DGKB: variants seen among roughly 807,000 people sequenced by gnomAD.
DGKB encodes the protein diacylglycerol kinase beta, also known as 90 kDa diacylglycerol kinase.
DGKB carries 67 observed loss-of-function variants against 114.3 expected under a neutral mutation model. The ratio of observed to expected loss-of-function variants is 0.59; its 90% CI spans 0.48 to 0.72. The LOEUF is 0.72. Ranked by LOEUF, DGKB falls within the 30% of genes least tolerant of loss-of-function variation. The pLI, the probability that DGKB is intolerant of heterozygous loss-of-function variation, is 0.00. For synonymous variants in DGKB, 398 were observed against 323.1 expected (o/e 1.23, Z -2.49); for missense variants, 907 against 975.2 (o/e 0.93, Z 0.93).
intron 23 of DGKB, among the ~76,000 whole-genome samples, chr7:14,334,360 A>ATGTGTGTGTG (rs1491407829): frequency 2.5e-3 from 256 of 103,646 alleles, no homozygotes; most frequent in African/African-American, 9.6e-3. Flanking sequence ...ATGTATATAC[A>ATGTGTGTGTG]TATGTGTGTG....
At chr7:14,705,256 G>A (rs1289698725) in intron 6 of DGKB, among the ~76,000 whole-genome samples, 8 of 151,320 alleles carry the variant, frequency 5.3e-5, no homozygotes, top group African/African-American at 1.9e-4. Context: ...AGCGAGAAGG[G>A]AAGTTTAGAG....
intron 1 of DGKB, among the ~76,000 whole-genome samples, chr7:14,867,749 T>C (rs1014451905): frequency 2.6e-5 from 4 of 152,202 alleles, no homozygotes; most frequent in Non-Finnish European, 5.9e-5. Flanking sequence ...TTGAGAGCGC[T>C]CTTTATAAAT....
intron 13 of DGKB, among the ~76,000 whole-genome samples, chr7:14,668,672 T>C (rs1818456540): frequency 6.6e-6 from 1 of 152,278 alleles, no homozygotes; most frequent in East Asian, 1.9e-4. Flanking sequence ...ACCATTTACC[T>C]TGATTCCAAC....
intron 20 of DGKB, among the ~76,000 whole-genome samples, chr7:14,495,164 C>T (rs1296792275): frequency 6.6e-6 from 1 of 151,774 alleles, no homozygotes; most frequent in Admixed American, 6.6e-5. Context: ...CAAATCCTTC[C>T]TGATACACAC....
chr7:14,797,665 C>T (rs1841584528), intron 2 of DGKB, among the ~76,000 whole-genome samples: 1 of 150,936 alleles, frequency 6.6e-6, no homozygotes, highest in Non-Finnish European at 1.5e-5. Flanking sequence ...TTCCTGAGGG[C>T]TGCCATCTGT....
At chr7:14,704,739 T>A (rs12381341) in intron 6 of DGKB, among the ~76,000 whole-genome samples, 6 of 151,492 alleles carry the variant, frequency 4.0e-5, no homozygotes, top group African/African-American at 1.5e-4. Context: ...GGTATTCCAA[T>A]AGACCTGCAG....
chr7:14,333,013 T>G (rs1477824850), intron 23 of DGKB, among the ~76,000 whole-genome samples: 6 of 152,306 alleles, frequency 3.9e-5, no homozygotes, highest in Non-Finnish European at 1.5e-5. Flanking sequence ...ATAATTACTT[T>G]CGCTCAGTGG....
intron 23 of DGKB, among the ~76,000 whole-genome samples, chr7:14,222,523 GC>G (rs1164193921): frequency 1.3e-5 from 2 of 151,158 alleles, no homozygotes; most frequent in African/African-American, 4.8e-5. Flanking sequence ...TCATCTTTGA[GC>G]TTTACTTTAT....
upstream of DGKB, among the ~76,000 whole-genome samples, chr7:14,905,263 T>A (rs924533081): frequency 9.5e-5 from 13 of 136,720 alleles, no homozygotes; most frequent in East Asian, 3.1e-3. Context: ...TTTTTTTTTT[T>A]AACAGCTTAT....
At chr7:14,764,914 C>A (rs890211396) in intron 2 of DGKB, among the ~76,000 whole-genome samples, 2 of 151,750 alleles carry the variant, frequency 1.3e-5, no homozygotes, top group African/African-American at 4.8e-5. Flanking sequence ...AAAAGAAGTT[C>A]TACTTAGAGC....
chr7:14,198,153 A>G (rs900504504), intron 23 of DGKB, among the ~76,000 whole-genome samples: 1 of 152,126 alleles, frequency 6.6e-6, no homozygotes, highest in African/African-American at 2.4e-5. Context: ...TTGTAAGTAA[A>G]AAGGATCTGC....
intron 2 of DGKB, among the ~76,000 whole-genome samples, chr7:14,804,033 T>C (rs1375809623): frequency 6.6e-6 from 1 of 151,734 alleles, no homozygotes; most frequent in African/African-American, 2.4e-5. Flanking sequence ...ACTCATTTCA[T>C]TTGTGAGTTA....
At chr7:14,629,401 C>T (rs1300392667) in intron 14 of DGKB, among the ~76,000 whole-genome samples, 1 of 151,732 alleles carries the variant, frequency 6.6e-6, no homozygotes, top group African/African-American at 2.4e-5. Context: ...GAGGTCTACA[C>T]TGATTAAAAA....
At chr7:14,271,247 A>C (rs960585906) in intron 23 of DGKB, among the ~76,000 whole-genome samples, 2 of 152,172 alleles carry the variant, frequency 1.3e-5, no homozygotes, top group African/African-American at 4.8e-5. Context: ...TCAAAGAGAG[A>C]TAACATGAGA....
At chr7:14,326,908 C>A (rs1003762856) in intron 23 of DGKB, among the ~76,000 whole-genome samples, 1 of 152,124 alleles carries the variant, frequency 6.6e-6, no homozygotes, top group Non-Finnish European at 1.5e-5. Context: ...TGCAAACACA[C>A]ACATGCACAC....
rs758706567 is a variant in DGKB at position 14,613,348 on chromosome 7, T to C, written c.1350A>G (p.Gln450=). Residue 450 remains glutamine (Q), a synonymous_variant, in exon 16 of 26, where the codon CAA becomes CAG. Transcript: ENST00000402815. ...TCAATCAAAAAACATACCGTTCTCCTTGTTTTCCACCACTTTTGGGGTTCA... is the reference window on the plus strand; with the variant it reads ...TCAATCAAAAAACATACCGTTCTCCCTGTTTTCCACCACTTTTGGGGTTCA... ...VFVNPKSGGK[Q]GERIYRKFQY... The C allele has an allele frequency of 1.2e-5, 18 of 1,563,090 alleles. No individual in the cohort carries two copies. The highest frequency in any genetic ancestry group is 1.7e-4 in the Middle Eastern group (1 of 6,010).
intron 23 of DGKB, among the ~76,000 whole-genome samples, chr7:14,276,291 C>T (rs745400705): frequency 2.6e-4 from 40 of 152,080 alleles, no homozygotes; most frequent in Admixed American, 1.3e-3. Context: ...TACATTGTAT[C>T]GACACCACGC....
chr7:14,750,111 A>G, intron 4 of DGKB: 1 of 517,950 alleles, frequency 1.9e-6, no homozygotes, highest in Non-Finnish European at 3.9e-6. Context: ...CAAAGAAACT[A>G]AGGCTCAGAA....
chr7:14,307,978 T>TA (rs1174270464), intron 23 of DGKB, among the ~76,000 whole-genome samples: 1 of 152,036 alleles, frequency 6.6e-6, no homozygotes, highest in Non-Finnish European at 1.5e-5. Context: ...CCTTTTTAAA[T>TA]AAAAAGTTTT....
Sources: allele counts gnomAD v4.1 joint callset (sites outside exome capture counted in the v4.1 genomes callset), GRCh38; gene constraint gnomAD v4.1.1; transcripts MANE v1.5; gene names NCBI Gene and HGNC (gene_info 2026-07-23, HGNC 2026-07-21).